The following SFT2D1 variants were observed in gnomAD, a reference collection of about 807,000 sequenced individuals.
The protein encoded by SFT2D1 is SFT2 domain containing 1.
In SFT2D1, 24 loss-of-function variants were observed where a neutral mutation model predicts 28.1. The observed-to-expected ratio is 0.85, with a 90% CI of 0.62 to 1.20. The LOEUF (loss-of-function observed/expected upper bound fraction) is 1.20, where lower values mean the gene tolerates loss of function less well. SFT2D1 is among the 50% of genes most tolerant of loss of function. The pLI is 0.00. For synonymous variants in SFT2D1, 82 were observed against 73.7 expected (o/e 1.11, Z -0.58); for missense variants, 181 against 190.9 (o/e 0.95, Z 0.31).
chr6:166,332,227 G>A (rs1277688800), intron 1 of SFT2D1, among the ~76,000 whole-genome samples: 1 of 152,164 alleles, frequency 6.6e-6, no homozygotes, highest in Admixed American at 6.5e-5. Flanking sequence ...ACCTGGCAGT[G>A]CATCTTCCAA....
At chr6:166,333,085 A>C (rs895716607) in intron 1 of SFT2D1, among the ~76,000 whole-genome samples, 10 of 152,244 alleles carry the variant, frequency 6.6e-5, no homozygotes, top group Non-Finnish European at 1.3e-4. Flanking sequence ...CACTGAATCC[A>C]GTATTCCTCC....
chr6:166,336,178 A>G (rs1383254024), intron 1 of SFT2D1, among the ~76,000 whole-genome samples: 1 of 152,142 alleles, frequency 6.6e-6, no homozygotes, highest in Non-Finnish European at 1.5e-5. Context: ...GAATTCCTTC[A>G]GGGTGATGCC....
chr6:166,329,604 T>C lies in SFT2D1; in HGVS notation c.151-15A>G. On this transcript the variant is annotated splice_polypyrimidine_tract_variant and intron_variant, in intron 2 of 7. Coordinates refer to ENST00000361731, the MANE Select transcript of SFT2D1 (RefSeq NM_145169.3). ...AATCCAGTTCCCTAAGTTAAGATAT[T>C]ATAGTTATTTTAAAATAATTTTATG... The C allele has an allele frequency of 6.4e-7, 1 of 1,564,506 alleles. No individual in the cohort carries two copies. Among genetic ancestry groups the C allele is most frequent in the East Asian group, 2.3e-5 (1 of 43,488 alleles).
intron 1 of SFT2D1, chr6:166,335,245 C>T (rs1165926451): frequency 5.1e-6 from 3 of 592,064 alleles, no homozygotes; most frequent in African/African-American, 3.7e-5. Context: ...TTTCAGTGGT[C>T]ATGATGGCTT....
chr6:166,335,350 C>T, intron 1 of SFT2D1: 1 of 576,132 alleles, frequency 1.7e-6, no homozygotes, highest in Non-Finnish European at 3.3e-6. Flanking sequence ...CTGGAGGTGG[C>T]AGAAGCTCCA....
At chr6:166,328,222 T>C (rs1583036696) in intron 4 of SFT2D1, 54 bp downstream of exon 4, 2 of 1,090,230 alleles carry the variant, frequency 1.8e-6, no homozygotes, top group East Asian at 5.4e-5. Context: ...ATTCGTAAAA[T>C]AACAGTGCAA....
chr6:166,337,941 C>T (rs1032838775), intron 1 of SFT2D1, among the ~76,000 whole-genome samples: 11 of 151,978 alleles, frequency 7.2e-5, no homozygotes, highest in Admixed American at 4.6e-4. Context: ...CCTAATAAGA[C>T]GAGAAAGAGA....
Position 166,342,514 on chromosome 6 carries a change from C to G in SFT2D1, c.-33G>C. 2 of 1,525,620 alleles carry G rather than the reference C, an allele frequency of 1.3e-6. No homozygotes were observed. Among genetic ancestry groups the G allele is most frequent in the Non-Finnish European group, 1.8e-6 (2 of 1,126,442 alleles). The allele number at this position is 1,525,620 out of a possible 1,614,324, so 94.5% of individuals were successfully genotyped here. ...TTACAGGGCCGTAGCGGCCGCCACT[C>G]TGTTGCCTGCCCCTGACGCCCACCA... On this transcript the variant is annotated 5_prime_UTR_variant, in exon 1 of 8. Coordinates refer to ENST00000361731, the MANE Select transcript of SFT2D1 (RefSeq NM_145169.3).
intron 7 of SFT2D1, 29 bp from the exon 8 acceptor site, chr6:166,320,285 A>G: frequency 1.9e-6 from 3 of 1,594,246 alleles, no homozygotes; most frequent in Middle Eastern, 1.7e-4. Context: ...AAAAAAACAG[A>G]ATATAATATT....
At chr6:166,322,551 G>A (rs1331117150) in intron 7 of SFT2D1, among the ~76,000 whole-genome samples, 1 of 151,708 alleles carries the variant, frequency 6.6e-6, no homozygotes, top group Non-Finnish European at 1.5e-5. Context: ...AAATTAGCCG[G>A]GCATGGCAGT....
chr6:166,322,979 C>T, intron 6 of SFT2D1, 93 bp from the exon 7 acceptor site: 1 of 982,778 alleles, frequency 1.0e-6, no homozygotes. Context: ...ATAAATACAG[C>T]AGCATGAGAC....
At chr6:166,333,551 G>A (rs542037842) in intron 1 of SFT2D1, among the ~76,000 whole-genome samples, 2 of 152,130 alleles carry the variant, frequency 1.3e-5, no homozygotes, top group Non-Finnish European at 2.9e-5. Context: ...TTTTTTCAGC[G>A]GCTTCAACAG....
intron 7 of SFT2D1, among the ~76,000 whole-genome samples, chr6:166,320,671 AC>A (rs1237694215): frequency 1.1e-4 from 15 of 132,634 alleles, no homozygotes; most frequent in African/African-American, 4.0e-4. Context: ...GCACACCACT[AC>A]ACTAATTTTT....
intron 1 of SFT2D1, among the ~76,000 whole-genome samples, chr6:166,340,746 A>G (rs1778762890): frequency 1.3e-5 from 2 of 152,174 alleles, no homozygotes; most frequent in African/African-American, 4.8e-5. Flanking sequence ...CTCCAATTAA[A>G]ATTTAAGTTC....
At chr6:166,325,449 T>C (rs1778426505) in intron 5 of SFT2D1, among the ~76,000 whole-genome samples, 1 of 152,236 alleles carries the variant, frequency 6.6e-6, no homozygotes, top group Admixed American at 6.5e-5. Context: ...GTAAACGGAA[T>C]TGTAACAATG....
intron 1 of SFT2D1, among the ~76,000 whole-genome samples, chr6:166,340,192 C>G (rs1778750687): frequency 1.3e-5 from 2 of 152,186 alleles, no homozygotes; most frequent in Non-Finnish European, 2.9e-5. Flanking sequence ...TAAACCACTT[C>G]TATCACTGAT....
chr6:166,330,243 A>G lies in SFT2D1; in HGVS notation c.68T>C (p.Leu23Pro). The G allele has an allele frequency of 1.3e-6, 2 of 1,596,556 alleles. No homozygotes were observed. The highest frequency in any genetic ancestry group is 1.7e-6 in the Non-Finnish European group (2 of 1,173,812). The change falls in exon 2 of 8, where the codon CTG (leucine) becomes CCG (proline). Residue 23 changes from leucine to proline, a missense_variant. Coordinates refer to ENST00000361731, the MANE Select transcript of SFT2D1 (RefSeq NM_145169.3). ...DEEQGLTAQV[L>P]DASSLSFNTR... Reference sequence around the variant, plus strand: ...GTTGAAACTAAGGGATGAGGCATCCAGGACCTTAATAAAAAATGGGAAAAT... The same window carrying G: ...GTTGAAACTAAGGGATGAGGCATCCGGGACCTTAATAAAAAATGGGAAAAT...
At chr6:166,326,087 G>A (rs754812330) in intron 5 of SFT2D1, 45 bp downstream of exon 5, 1 of 1,569,046 alleles carries the variant, frequency 6.4e-7, no homozygotes. Flanking sequence ...GCTGGGGTGG[G>A]GGGCACACAG....
chr6:166,337,243 G>C (rs1479624172), intron 1 of SFT2D1, among the ~76,000 whole-genome samples: 1 of 152,152 alleles, frequency 6.6e-6, no homozygotes, highest in Non-Finnish European at 1.5e-5. Flanking sequence ...GGAGTAGACG[G>C]GACCCCCAGC....
Sources: allele counts gnomAD v4.1 joint callset (sites outside exome capture counted in the v4.1 genomes callset), GRCh38; gene constraint gnomAD v4.1.1; transcripts MANE v1.5; gene names NCBI Gene and HGNC (gene_info 2026-07-23, HGNC 2026-07-21).